PAPPA2: variants seen among roughly 807,000 people sequenced by gnomAD.
The protein encoded by PAPPA2 is pappalysin 2, also known as pappalysin-2.
In PAPPA2, 86 loss-of-function variants were observed where a neutral mutation model predicts 176.4. That is an observed-to-expected ratio of 0.49 (90% CI 0.41 to 0.58). The LOEUF (loss-of-function observed/expected upper bound fraction) is 0.58. Among genes scored for constraint, PAPPA2 ranks in the 20% least tolerant of loss-of-function variants. The pLI, the probability that PAPPA2 is intolerant of heterozygous loss-of-function variation, is 0.00. For missense variants in PAPPA2, 2,073 were observed against 2,256.9 expected (o/e 0.92, Z 1.65); for synonymous variants, 809 against 852.2 (o/e 0.95, Z 0.88).
intron 4 of PAPPA2, among the ~76,000 whole-genome samples, chr1:176,678,630 A>T (rs1290856582): frequency 2.7e-5 from 4 of 145,530 alleles, no homozygotes; most frequent in African/African-American, 1.0e-4. Context: ...CATTTCAAAT[A>T]TTTTTTTTTT....
intron 1 of PAPPA2, among the ~76,000 whole-genome samples, chr1:176,477,638 A>T (rs948650544): frequency 5.3e-5 from 8 of 152,172 alleles, no homozygotes; most frequent in African/African-American, 1.9e-4. Flanking sequence ...CCAGCTACTC[A>T]GGAGGCTGAG....
chr1:176,834,419 A>G (rs1029010645), intron 21 of PAPPA2, among the ~76,000 whole-genome samples: 6 of 152,234 alleles, frequency 3.9e-5, no homozygotes. Flanking sequence ...GAAGAGTGGA[A>G]GAGTTGAACA....
intron 2 of PAPPA2, among the ~76,000 whole-genome samples, chr1:176,567,384 C>G (rs1652051602): frequency 6.6e-6 from 1 of 152,196 alleles, no homozygotes; most frequent in African/African-American, 2.4e-5. Context: ...CTCATTTCTG[C>G]ATTAGAAATC....
chr1:176,507,020 A>C (rs1648307184), intron 1 of PAPPA2, among the ~76,000 whole-genome samples: 1 of 152,160 alleles, frequency 6.6e-6, no homozygotes, highest in South Asian at 2.1e-4. Context: ...AACGAGAGAA[A>C]GTATTTGCAA....
chr1:176,700,001 G>C (rs567208309), intron 8 of PAPPA2, among the ~76,000 whole-genome samples: 7 of 152,274 alleles, frequency 4.6e-5, no homozygotes, highest in African/African-American at 1.7e-4. Flanking sequence ...ATGCAAGGAG[G>C]CCGAGGGCCT....
chr1:176,512,275 A>T (rs1048881114), intron 1 of PAPPA2, among the ~76,000 whole-genome samples: 2 of 151,860 alleles, frequency 1.3e-5, no homozygotes, highest in East Asian at 3.9e-4. Flanking sequence ...AATGTGGAGC[A>T]ACTGGAACTT....
chr1:176,475,245 A>G (rs1258555138), intron 1 of PAPPA2, among the ~76,000 whole-genome samples: 1 of 152,212 alleles, frequency 6.6e-6, no homozygotes, highest in Non-Finnish European at 1.5e-5. Flanking sequence ...CCTGGCTGGC[A>G]CAGAGTAGGT....
At position 176,736,617 on chromosome 1, in the gene PAPPA2, G is replaced by A. The variant is rs756650074; in HGVS notation, c.3799-3009G>A. On this transcript the variant is annotated intron_variant, in intron 12 of 22. Transcript: ENST00000367662. ...TATATACATATATATTTGTTACTTG[G>A]TTGTGGAAAGAGCAACTTAAAAATA... Among the ~76,000 whole-genome samples, 32 of 147,398 alleles carry A rather than the reference G, an allele frequency of 2.2e-4. 1 individual carries two copies. The highest frequency in any genetic ancestry group is 9.9e-5 in the African/African-American group (4 of 40,458).
chr1:176,721,168 A>G (rs991075063), intron 12 of PAPPA2, among the ~76,000 whole-genome samples: 3 of 152,182 alleles, frequency 2.0e-5, no homozygotes, highest in Non-Finnish European at 4.4e-5. Context: ...AAAATTTACC[A>G]TCACAGTGAG....
chr1:176,584,675 TTTTG>T (rs1409952807), intron 2 of PAPPA2, among the ~76,000 whole-genome samples: 2 of 86,448 alleles, frequency 2.3e-5, no homozygotes, highest in Non-Finnish European at 4.8e-5. Flanking sequence ...CTTTCTCTCT[TTTTG>T]TTTATTTTTT....
chr1:176,822,066 G>A (rs1666686605), intron 21 of PAPPA2, among the ~76,000 whole-genome samples: 1 of 152,164 alleles, frequency 6.6e-6, no homozygotes, highest in Non-Finnish European at 1.5e-5. Flanking sequence ...CACCCCACAT[G>A]CAAAGTGGAG....
At chr1:176,713,333 T>C (rs1486698036) in intron 12 of PAPPA2, among the ~76,000 whole-genome samples, 1 of 152,046 alleles carries the variant, frequency 6.6e-6, no homozygotes, top group Non-Finnish European at 1.5e-5. Flanking sequence ...TTTTTAAATG[T>C]TATATAGAGA....
At chr1:176,481,864 C>G (rs1363276641) in intron 1 of PAPPA2, among the ~76,000 whole-genome samples, 1 of 151,968 alleles carries the variant, frequency 6.6e-6, no homozygotes. Context: ...ACCACTATGC[C>G]TGGCTAAACT....
intron 1 of PAPPA2, among the ~76,000 whole-genome samples, chr1:176,552,253 T>A (rs978768888): frequency 8.6e-5 from 13 of 151,856 alleles, no homozygotes; most frequent in Non-Finnish European, 5.9e-5. Context: ...CAGTTCTTTC[T>A]CCTCCCAGAA....
rs1251661832 is a variant in PAPPA2 at position 176,692,128 on chromosome 1, G to T, written c.2434G>T (p.Asp812Tyr). 1.2e-6 allele frequency: 2 copies of T among 1,611,024 alleles called. No homozygotes were observed. The highest frequency in any genetic ancestry group is 1.7e-6 in the Non-Finnish European group (2 of 1,177,876). The stretch of plus-strand genomic sequence containing the variant: ...TGCCACCTTTTTTGTCTCCACAGAT[G>T]ATAACTGCACTGACAACTTCACTCC... ...PFTNYMSYTD[D>Y]NCTDNFTPNQ... is the part of the protein sequence containing the mutation. Residue 812 changes from aspartate to tyrosine, a missense_variant and splice_region_variant, in exon 6 of 23, where the codon GAT (aspartate) becomes TAT (tyrosine). This residue lies in a region of PAPPA2 where 1,196 missense variants were observed against 1,330.4 expected (regional missense o/e 0.90). Transcript: ENST00000367662.
chr1:176,587,696 A>C (rs889799266), intron 2 of PAPPA2, among the ~76,000 whole-genome samples: 1 of 152,172 alleles, frequency 6.6e-6, no homozygotes, highest in African/African-American at 2.4e-5. Context: ...GTAGACTTGT[A>C]CTATAGTTTG....
chr1:176,774,686 T>C (rs1215224428), intron 17 of PAPPA2, among the ~76,000 whole-genome samples: 2 of 152,252 alleles, frequency 1.3e-5, no homozygotes, highest in East Asian at 3.9e-4. Flanking sequence ...GCAGCAAAAA[T>C]GGCCTTCAAA....
chr1:176,620,324 G>T (rs1655514291), intron 3 of PAPPA2, among the ~76,000 whole-genome samples: 1 of 151,960 alleles, frequency 6.6e-6, no homozygotes, highest in Non-Finnish European at 1.5e-5. Context: ...AGACCATAGA[G>T]AATTTGGATT....
chr1:176,808,239 TGTCAA>T (rs1183388696), intron 21 of PAPPA2, among the ~76,000 whole-genome samples: 1 of 152,252 alleles, frequency 6.6e-6, no homozygotes, highest in Non-Finnish European at 1.5e-5. Flanking sequence ...AATTCTTTTA[TGTCAA>T]GTCAGGTGTG....
Sources: allele counts gnomAD v4.1 joint callset (sites outside exome capture counted in the v4.1 genomes callset), GRCh38; gene constraint gnomAD v4.1.1; regional missense constraint gnomAD v4.1.1; transcripts MANE v1.5; gene names NCBI Gene and HGNC (gene_info 2026-07-23, HGNC 2026-07-21).